The following DUSP4 variants were observed in gnomAD, a reference collection of about 807,000 sequenced individuals.
DUSP4 encodes the protein dual specificity protein phosphatase 4.
Under a neutral mutation model 27.2 loss-of-function variants are expected in DUSP4, and 12 were observed. The observed-to-expected ratio is 0.44, with a 90% CI of 0.28 to 0.71. DUSP4 has a LOEUF of 0.71. Among genes scored for constraint, DUSP4 ranks in the 30% least tolerant of loss-of-function variants. DUSP4 has a pLI of 0.14. For missense variants in DUSP4, 448 were observed against 551.3 expected (o/e 0.81, Z 1.88); for synonymous variants, 257 against 245.2 (o/e 1.05, Z -0.45).
rs752448645 is a variant in DUSP4 at position 29,349,941 on chromosome 8, G to A, written c.338C>T (p.Pro113Leu). 1.3e-6 allele frequency: 2 copies of A among 1,594,310 alleles called. No individual in the cohort carries two copies. Among genetic ancestry groups the A allele is most frequent in the Admixed American group, 1.7e-5 (1 of 59,268 alleles). Residue 113 changes from proline (P) to leucine (L), a missense_variant, in exon 1 of 4, where the codon CCG becomes CTG. Around this residue, in one of 3 missense-constraint regions of DUSP4, gnomAD observed 345 missense variants for 394.0 expected, o/e 0.88. Transcript: ENST00000240100. ...SAVIVYDERS[P>L]RAESLREDST... ...GTCCTCGCGGAGGCTCTCGGCGCGC[G>A]GGCTGCGCTCGTCGTAGACGATGAC... is the stretch of plus-strand genomic sequence containing the variant.
Position 29,350,212 on chromosome 8 carries a change from C to G in DUSP4, c.67G>C (p.Glu23Gln). ...SVLKRLMNRD[E>Q]NGGGAGGSGS... ...CTGCCGCCCGCGCCGCCGCCATTCT[C>G]GTCCCGGTTCATCAGCCTTTTGAGC... The change falls in exon 1 of 4, where the codon GAG (glutamate) becomes CAG (glutamine). Residue 23 changes from glutamate (E) to glutamine (Q), a missense_variant. Glu to Gln is a conservative substitution (Grantham distance 29). This residue lies in a region of DUSP4 where 345 missense variants were observed against 394.0 expected (regional missense o/e 0.88). Coordinates refer to ENST00000240100, the MANE Select transcript of DUSP4 (RefSeq NM_001394.7). 1 of 1,609,078 alleles carries G rather than the reference C, an allele frequency of 6.2e-7. No homozygotes were observed. Among genetic ancestry groups the G allele is most frequent in the Non-Finnish European group, 8.5e-7 (1 of 1,178,116 alleles).
In DUSP4 at chr8:29,340,189, G is replaced by C. The variant is rs868280343; in HGVS notation, c.488C>G (p.Ala163Gly). The change falls in exon 2 of 4, where the codon GCC becomes GGC. Residue 163 changes from alanine to glycine, a missense_variant. By Grantham distance (60) the Ala-to-Gly change is moderately conservative (BLOSUM62 0). Coordinates refer to ENST00000240100, the MANE Select transcript of DUSP4 (RefSeq NM_001394.7). ...EYPEFCSKTKALAAIPPPVPP... is the reference protein window; with the variant it reads ...EYPEFCSKTKGLAAIPPPVPP... The stretch of plus-strand genomic sequence containing the variant: ...AACCGGGGGTGGGATGGCTGCCAGG[G>C]CCTTGGTTTTAGAACAGAATTCTGG... The C allele has an allele frequency of 1.2e-6, 2 of 1,613,524 alleles. No individual in the cohort carries two copies. Among genetic ancestry groups the C allele is most frequent in the Admixed American group, 1.7e-5 (1 of 59,932 alleles).
At chr8:29,344,225 A>G (rs1449454328) in intron 1 of DUSP4, among the ~76,000 whole-genome samples, 1 of 152,202 alleles carries the variant, frequency 6.6e-6, no homozygotes, top group Non-Finnish European at 1.5e-5. Context: ...AATATCCAGG[A>G]TCTACTTATT....
At chr8:29,340,889 G>T (rs1195771502) in intron 1 of DUSP4, among the ~76,000 whole-genome samples, 1 of 152,166 alleles carries the variant, frequency 6.6e-6, no homozygotes, top group Non-Finnish European at 1.5e-5. Context: ...CCCTGGAATG[G>T]TTATCTGTGG....
In DUSP4 at chr8:29,349,952, G is replaced by C. The variant is rs1231855375; in HGVS notation, c.327C>G (p.Asp109Glu). The change falls in exon 1 of 4, where the codon GAC (aspartate) becomes GAG (glutamate). Residue 109 changes from aspartate (D) to glutamate (E), a missense_variant. Physicochemically the swap from Asp to Glu is conservative, Grantham distance 45. Coordinates refer to ENST00000240100, the MANE Select transcript of DUSP4 (RefSeq NM_001394.7). ...GGCTCTCGGCGCGCGGGCTGCGCTCGTCGTAGACGATGACCGCCGAGTAGA... is the reference window on the plus strand; with the variant it reads ...GGCTCTCGGCGCGCGGGCTGCGCTCCTCGTAGACGATGACCGCCGAGTAGA... ...SGLYSAVIVY[D>E]ERSPRAESLR... 6.3e-7 allele frequency: 1 copy of C among 1,593,942 alleles called. No individual in the cohort carries two copies. The highest frequency in any genetic ancestry group is 1.1e-5 in the South Asian group (1 of 89,616).
chr8:29,339,575 T>G (rs1308851656), intron 2 of DUSP4, among the ~76,000 whole-genome samples: 1 of 152,140 alleles, frequency 6.6e-6, no homozygotes, highest in African/African-American at 2.4e-5. Context: ...GTCTTTAGAC[T>G]TTTTTCTTAG....
intron 1 of DUSP4, among the ~76,000 whole-genome samples, chr8:29,349,315 A>T (rs1312559799): frequency 1.3e-5 from 2 of 152,234 alleles, no homozygotes; most frequent in South Asian, 2.1e-4. Context: ...CGCTCTACAC[A>T]GTGTGTGCAA....
chr8:29,344,904 G>A (rs888488541), intron 1 of DUSP4, among the ~76,000 whole-genome samples: 1 of 151,634 alleles, frequency 6.6e-6, no homozygotes, highest in Non-Finnish European at 1.5e-5. Context: ...GCAGTGGCAC[G>A]ATTATGGCTC....
chr8:29,340,080 C>T lies in DUSP4; in HGVS notation c.579+18G>A. On this transcript the variant is annotated intron_variant, in intron 2 of 3. Transcript: ENST00000240100. ...CTGTTCCTGCCCCCCACTTCCAAGC[C>T]CTGCCCCCCGAGTCTACCTGGTCGT... 1 of 1,553,876 alleles carries T rather than the reference C, an allele frequency of 6.4e-7. No individual in the cohort carries two copies. The highest frequency in any genetic ancestry group is 2.4e-5 in the East Asian group (1 of 41,338).
chr8:29,350,200 C>A lies in DUSP4; in HGVS notation c.79G>T (p.Gly27Cys). 6.2e-7 allele frequency: 1 copy of A among 1,608,552 alleles called. No individual in the cohort carries two copies. The highest frequency in any genetic ancestry group is 8.5e-7 in the Non-Finnish European group (1 of 1,178,190). ...RLMNRDENGG[G>C]AGGSGSHGTL... ...CCGTGGCTGCCGCTGCCGCCCGCGC[C>A]GCCGCCATTCTCGTCCCGGTTCATC... is the stretch of plus-strand genomic sequence containing the variant. Residue 27 changes from glycine (G) to cysteine (C), a missense_variant, in exon 1 of 4, where the codon GGC becomes TGC. By Grantham distance (159) the Gly-to-Cys change is radical. Around this residue, in one of 3 missense-constraint regions of DUSP4, gnomAD observed 345 missense variants for 394.0 expected, o/e 0.88. Transcript: ENST00000240100.
At chr8:29,339,911 GA>G (rs1449910831) in intron 2 of DUSP4, among the ~76,000 whole-genome samples, 186 bp downstream of exon 2, 3 of 151,412 alleles carry the variant, frequency 2.0e-5, no homozygotes, top group Middle Eastern at 6.3e-3. Flanking sequence ...TACCAGGGAG[GA>G]TCCCTTGAGC....
At chr8:29,344,855 C>T (rs1308060742) in intron 1 of DUSP4, among the ~76,000 whole-genome samples, 1 of 149,324 alleles carries the variant, frequency 6.7e-6, no homozygotes, top group Non-Finnish European at 1.5e-5. Context: ...TTTCCCCAGA[C>T]AGGGTCTGTC....
In DUSP4 at chr8:29,335,330, G is replaced by A. The variant is rs982179670; in HGVS notation, c.*1696C>T. ...CGACGATAGATTCAAAATGGCGCCTGCGTGCCCATGACGCACGTCACGGGA... is the reference window on the plus strand; with the variant it reads ...CGACGATAGATTCAAAATGGCGCCTACGTGCCCATGACGCACGTCACGGGA... On this transcript the variant is annotated 3_prime_UTR_variant, in exon 4 of 4. Transcript: ENST00000240100. The A allele has an allele frequency of 4.6e-5, 7 of 152,088 alleles. No homozygotes were observed. The highest frequency in any genetic ancestry group is 1.7e-4 in the African/African-American group (7 of 41,392). The allele number at this position is 152,088 out of a possible 1,614,324, so 9.4% of individuals were successfully genotyped here.
At position 29,345,562 on chromosome 8, in the gene DUSP4, C is replaced by A. The variant is rs1390073053; in HGVS notation, c.433+4284G>T. On this transcript the variant is annotated intron_variant, in intron 1 of 3. Coordinates refer to ENST00000240100, the MANE Select transcript of DUSP4 (RefSeq NM_001394.7). ...CCTCTTCGTTAGCCAGGAACTGCCTCCCGGTAAGGAAATCGGCTCTCTGGT... is the reference window on the plus strand; with the variant it reads ...CCTCTTCGTTAGCCAGGAACTGCCTACCGGTAAGGAAATCGGCTCTCTGGT... 7 of 1,526,434 alleles carry A rather than the reference C, an allele frequency of 4.6e-6. 1 individual carries two copies. The South Asian group carries it at 7.7e-5, about 17-fold the overall frequency. The allele number at this position is 1,526,434 out of a possible 1,614,324, so 94.6% of individuals were successfully genotyped here. A position where few individuals can be genotyped will look rare whatever the true frequency, so the allele number is the denominator to read the frequency against.
chr8:29,339,949 A>G, intron 2 of DUSP4, 149 bp downstream of exon 2: 1 of 1,088,878 alleles, frequency 9.2e-7, no homozygotes. Flanking sequence ...GCAGTAAGCT[A>G]TGATCACACC....
At chr8:29,338,739 A>G (rs922320399) in intron 2 of DUSP4, among the ~76,000 whole-genome samples, 4 of 152,164 alleles carry the variant, frequency 2.6e-5, no homozygotes, top group Non-Finnish European at 4.4e-5. Context: ...GGGCAGGTAA[A>G]GTCTTGTGGG....
rs749286050 is a variant in DUSP4, at chr8:29,349,968, G to A, written c.311C>T (p.Ala104Val). 8.2e-6 allele frequency: 13 copies of A among 1,583,876 alleles called. No homozygotes were observed. Among genetic ancestry groups the A allele is most frequent in the Non-Finnish European group, 1.7e-6 (2 of 1,169,588 alleles). The change falls in exon 1 of 4, where the codon GCG becomes GTG. Residue 104 changes from alanine (A) to valine (V), a missense_variant. Physicochemically the swap from Ala to Val is moderately conservative, Grantham distance 64. Coordinates refer to ENST00000240100, the MANE Select transcript of DUSP4 (RefSeq NM_001394.7). ...RARLRSGLYS[A>V]VIVYDERSPR... ...GCTGCGCTCGTCGTAGACGATGACC[G>A]CCGAGTAGAGGCCGGAGCGCAAGCG... is the stretch of plus-strand genomic sequence containing the variant.
intron 1 of DUSP4, chr8:29,348,227 T>C: frequency 1.0e-6 from 1 of 985,540 alleles, no homozygotes; most frequent in Non-Finnish European, 1.2e-6. Context: ...GCGGGGAACA[T>C]CCCGGCCAGC....
rs1477967520 is a variant in DUSP4, at chr8:29,334,253, C to T, written c.*2773G>A. The T allele has an allele frequency of 1.3e-5, 2 of 152,218 alleles. No individual in the cohort carries two copies. The highest frequency in any genetic ancestry group is 2.9e-5 in the Non-Finnish European group (2 of 68,046). 9.4% of individuals were successfully genotyped at this position (152,218 alleles called of 1,614,324 possible). A position where few individuals can be genotyped will look rare whatever the true frequency, so the allele number is the denominator to read the frequency against. On this transcript the variant is annotated 3_prime_UTR_variant, in exon 4 of 4. Coordinates refer to ENST00000240100, the MANE Select transcript of DUSP4 (RefSeq NM_001394.7). ...TACAGAAACTTCCCATCACCAGAAT[C>T]CCTTCATGGGAGGGATGGATGCCTG...
Sources: allele counts gnomAD v4.1 joint callset (sites outside exome capture counted in the v4.1 genomes callset), GRCh38; gene constraint gnomAD v4.1.1; regional missense constraint gnomAD v4.1.1; transcripts MANE v1.5; gene names NCBI Gene and HGNC (gene_info 2026-07-23, HGNC 2026-07-21).